MFF: variants seen among roughly 807,000 people sequenced by gnomAD.
MFF encodes mitochondrial fission factor.
In MFF, 12 loss-of-function variants were observed where a neutral mutation model predicts 36.9. That is an observed-to-expected ratio of 0.33 (90% CI 0.21 to 0.53). The LOEUF (loss-of-function observed/expected upper bound fraction) is 0.53, where lower values mean the gene tolerates loss of function less well. Ranked by LOEUF, MFF falls within the 20% of genes least tolerant of loss-of-function variation. The pLI is 0.95. For missense variants in MFF, 348 were observed against 366.6 expected, an observed-to-expected ratio of 0.95 and a Z score of 0.42; for synonymous variants, 99 against 126.2, an observed-to-expected ratio of 0.78 and a Z score of 1.44.
rs190338344 is a variant in MFF, at chr2:227,342,531, C to T, written c.440+2151C>T. On this transcript the variant is annotated intron_variant, in intron 5 of 8. Transcript: ENST00000304593. ...ATAGTGCATGAAACTTTGCCTGTCTCCACTTTATTTTATTCCATGGCTTTA... is the reference window on the plus strand; with the variant it reads ...ATAGTGCATGAAACTTTGCCTGTCTTCACTTTATTTTATTCCATGGCTTTA... Among the ~76,000 whole-genome samples, 284 of 152,200 alleles carry T rather than the reference C, an allele frequency of 1.9e-3. 2 individuals are homozygous for T. The highest frequency in any genetic ancestry group is 6.3e-3 in the African/African-American group (263 of 41,544).
intron 6 of MFF, among the ~76,000 whole-genome samples, chr2:227,350,874 A>C (rs544437445): frequency 2.0e-5 from 3 of 152,298 alleles, no homozygotes; most frequent in Non-Finnish European, 2.9e-5. Flanking sequence ...ACTTGAATGA[A>C]GTTTCTAACT....
At chr2:227,327,954 T>C (rs895256357) in intron 1 of MFF, among the ~76,000 whole-genome samples, 1 of 152,218 alleles carries the variant, frequency 6.6e-6, no homozygotes, top group Admixed American at 6.5e-5. Flanking sequence ...AGGTTGCCTG[T>C]GGGAACCTGG....
In MFF at chr2:227,330,723, C is replaced by G; in HGVS notation, c.58C>G (p.Arg20Gly). 6.2e-7 allele frequency: 1 copy of G among 1,614,094 alleles called. No homozygotes were observed. The highest frequency in any genetic ancestry group is 8.5e-7 in the Non-Finnish European group (1 of 1,179,964). Residue 20 changes from arginine (R) to glycine (G), a missense_variant, in exon 3 of 9, where the codon CGA becomes GGA. By Grantham distance (125) the Arg-to-Gly change is moderately radical. Coordinates refer to ENST00000304593, the MANE Select transcript of MFF (RefSeq NM_001277062.2). ...EMEYTEGISQRMRVPEKLKVA... is the reference protein window; with the variant it reads ...EMEYTEGISQGMRVPEKLKVA... ...GGAATATACTGAAGGCATTAGTCAG[C>G]GAATGAGGGTCCCAGAAAAGTTAAA...
Position 227,347,350 on chromosome 2 carries a change from C to T in MFF, c.565C>T (p.Gln189Ter), listed in dbSNP as rs1307534740. Residue 189 changes from glutamine to a stop codon, truncating the protein, a stop_gained, in exon 6 of 9, where the codon CAG becomes TAG. Transcript: ENST00000304593. LOFTEE classifies it high-confidence loss of function. ...CCAGTCTTCTACTCGTAGGGCATAC[C>T]AGCAGATCTTGGATGTGCTGGATGA... Reference protein sequence around the residue: ...LIQSSTRRAYQQILDVLDENR... With the variant: ...LIQSSTRRAY 1 of 1,613,704 alleles carries T rather than the reference C, an allele frequency of 6.2e-7. No homozygotes were observed. Among genetic ancestry groups the T allele is most frequent in the Admixed American group, 1.7e-5 (1 of 60,004 alleles).
At chr2:227,337,420 T>C (rs1214308517) in intron 4 of MFF, among the ~76,000 whole-genome samples, 1 of 152,154 alleles carries the variant, frequency 6.6e-6, no homozygotes, top group Non-Finnish European at 1.5e-5. Flanking sequence ...GGGGTGAGTA[T>C]AGAGGAAAAA....
At chr2:227,325,812 C>T (rs1559936441) in intron 1 of MFF, among the ~76,000 whole-genome samples, 1 of 152,226 alleles carries the variant, frequency 6.6e-6, no homozygotes, top group Non-Finnish European at 1.5e-5. Context: ...ACTCATCCTT[C>T]CCTGCCAAGG....
intron 1 of MFF, among the ~76,000 whole-genome samples, chr2:227,327,118 A>C (rs1205105001): frequency 6.6e-6 from 1 of 152,028 alleles, no homozygotes; most frequent in Non-Finnish European, 1.5e-5. Context: ...TTTTGATTTT[A>C]AAAAGTCGAG....
intron 1 of MFF, among the ~76,000 whole-genome samples, chr2:227,326,616 C>T (rs2074164081): frequency 6.6e-6 from 1 of 152,162 alleles, no homozygotes; most frequent in Non-Finnish European, 1.5e-5. Context: ...GGTATTGAAA[C>T]TTTTCTGTGG....
chr2:227,330,633 A>G lies in MFF; in HGVS notation c.-33A>G, dbSNP rs569465506. 6.8e-6 allele frequency: 11 copies of G among 1,613,270 alleles called. No individual in the cohort carries two copies. In the East Asian group the frequency reaches 8.9e-5, roughly 13 times the overall value. ...TAAATTTTTCTCCCACAGGGTGAGC[A>G]GGGCAGCATTTCCTTCTCCCACTGC... On this transcript the variant is annotated 5_prime_UTR_variant, in exon 3 of 9. Coordinates refer to ENST00000304593, the MANE Select transcript of MFF (RefSeq NM_001277062.2).
chr2:227,351,207 A>G lies in MFF; in HGVS notation c.600-1307A>G, dbSNP rs184442040. ...GTTAGTAGGATGAGATGAGTTAAAG[A>G]CCTGTCTTAAGCATATGTGATTTCT... On this transcript the variant is annotated intron_variant, in intron 6 of 8. Transcript: ENST00000304593. Among the ~76,000 whole-genome samples the G allele has an allele frequency of 1.9e-4, 29 of 152,274 alleles. No individual in the cohort carries two copies. The East Asian group carries it at 5.0e-3, about 26-fold the overall frequency.
At chr2:227,336,406 TAATA>T (rs1421661364) in intron 4 of MFF, among the ~76,000 whole-genome samples, 1 of 152,256 alleles carries the variant, frequency 6.6e-6, no homozygotes, top group Admixed American at 6.5e-5. Flanking sequence ...TTCATTTCTA[TAATA>T]AATCTTTGGA....
intron 6 of MFF, among the ~76,000 whole-genome samples, chr2:227,349,210 C>T (rs2075865535): frequency 6.6e-6 from 1 of 151,974 alleles, no homozygotes; most frequent in African/African-American, 2.4e-5. Context: ...TGTCCCAATT[C>T]CCCCTCACCA....
chr2:227,338,810 G>A (rs2075202769), intron 4 of MFF, among the ~76,000 whole-genome samples: 2 of 151,610 alleles, frequency 1.3e-5, no homozygotes, highest in South Asian at 2.1e-4. Context: ...ATTGCAGCCT[G>A]GGCGACAGAA....
intron 6 of MFF, chr2:227,351,981 G>A (rs1319884686): frequency 6.6e-6 from 1 of 152,618 alleles, no homozygotes; most frequent in Non-Finnish European, 1.5e-5. Flanking sequence ...CAGCTGCAAC[G>A]AGACATCAGG....
chr2:227,356,174 C>A (rs1029681249), intron 8 of MFF, among the ~76,000 whole-genome samples: 3 of 152,190 alleles, frequency 2.0e-5, no homozygotes, highest in Non-Finnish European at 4.4e-5. Context: ...CTTAGAACTG[C>A]AGTTGCACAT....
At chr2:227,355,018 G>C (rs746108885) in intron 7 of MFF, among the ~76,000 whole-genome samples, 3 of 152,072 alleles carry the variant, frequency 2.0e-5, no homozygotes, top group African/African-American at 7.2e-5. Flanking sequence ...AAAATTAGCC[G>C]GGCATGGTGG....
intron 7 of MFF, chr2:227,355,476 T>C (rs557698694): frequency 3.2e-6 from 1 of 311,598 alleles, no homozygotes; most frequent in Non-Finnish European, 5.9e-6. Flanking sequence ...CCTTTTTCAA[T>C]ATTGTAGACA....
chr2:227,341,831 T>C (rs982757586), intron 5 of MFF, among the ~76,000 whole-genome samples: 1 of 152,120 alleles, frequency 6.6e-6, no homozygotes, highest in Admixed American at 6.5e-5. Context: ...TTTAGGTTCT[T>C]AGCTACTTTG....
chr2:227,337,359 A>G (rs1400535920), intron 4 of MFF, among the ~76,000 whole-genome samples: 3 of 152,218 alleles, frequency 2.0e-5, no homozygotes, highest in African/African-American at 7.2e-5. Flanking sequence ...TTCAGTCTAC[A>G]TTGATAATTT....
Sources: gnomAD v4.1 joint callset for allele counts (sites outside exome capture counted in the v4.1 genomes callset) on GRCh38, gnomAD v4.1.1 for gene constraint, MANE v1.5 for transcripts, NCBI Gene and HGNC (gene_info 2026-07-23, HGNC 2026-07-21) for gene names.